The following ERN1 variants were observed in gnomAD, a reference collection of about 807,000 sequenced individuals.
ERN1 encodes endoplasmic reticulum to nucleus signaling 1, also known as serine/threonine-protein kinase/endoribonuclease IRE1.
ERN1 carries 39 observed loss-of-function variants against 113.1 expected under a neutral mutation model. The observed-to-expected ratio is 0.34, with a 90% CI of 0.27 to 0.45. The LOEUF is 0.45. Ranked by LOEUF, ERN1 falls within the 20% of genes least tolerant of loss-of-function variation. ERN1 has a pLI of 1.00. For missense variants in ERN1, 976 were observed against 1,274.8 expected (o/e 0.77, Z 3.57); for synonymous variants, 507 against 515.9 (o/e 0.98, Z 0.23).
At chr17:64,061,292 TA>T (rs1913047329) in intron 10 of ERN1, among the ~76,000 whole-genome samples, 1 of 152,342 alleles carries the variant, frequency 6.6e-6, no homozygotes, top group African/African-American at 2.4e-5. Flanking sequence ...CATTCAGCTC[TA>T]AAAATGAGTC....
rs113345781 is a variant in ERN1, at chr17:64,126,921, T to C, written c.54+3055A>G. ...AAAGAAATCTGATATCTTATAGCTT[T>C]TAAAAAAAAAGGTACTTTGCCTCAC... On this transcript the variant is annotated intron_variant, in intron 1 of 21. Coordinates refer to ENST00000433197, the MANE Select transcript of ERN1 (RefSeq NM_001433.5). Among the ~76,000 whole-genome samples the C allele has an allele frequency of 3.8e-3, 579 of 152,104 alleles. 2 individuals carry two copies. The highest frequency in any genetic ancestry group is 0.013 in the African/African-American group (558 of 41,466).
intron 2 of ERN1, 37 bp from the exon 3 acceptor site, chr17:64,080,845 T>A: frequency 6.3e-7 from 1 of 1,597,228 alleles, no homozygotes; most frequent in Non-Finnish European, 8.5e-7. Flanking sequence ...ATCAGAAACA[T>A]CCCAAAATGT....
chr17:64,075,790 G>C (rs1308471906), intron 4 of ERN1, among the ~76,000 whole-genome samples: 1 of 152,206 alleles, frequency 6.6e-6, no homozygotes, highest in Non-Finnish European at 1.5e-5. Flanking sequence ...TGCTAAGAAA[G>C]AATTGTCCTG....
In ERN1 at chr17:64,044,107, G is replaced by A. The variant is rs781635978; in HGVS notation, c.2815C>T (p.His939Tyr). 2 of 1,612,602 alleles carry A rather than the reference G, an allele frequency of 1.2e-6. No individual in the cohort carries two copies. Among genetic ancestry groups the A allele is most frequent in the Admixed American group, 1.7e-5 (1 of 59,854 alleles). The change falls in exon 22 of 22, where the codon CAC becomes TAC. Residue 939 changes from histidine (H) to tyrosine (Y), a missense_variant. Transcript: ENST00000433197. This position sits in a 1 kb window ranked among gnomAD's most constrained non-coding sequence, Gnocchi z 4.1. ...FVCYFTSRFP[H>Y]LLAHTYRAME... ...GCCCGGTAGGTGTGTGCGAGGAGGT[G>A]GGGGAAGCGAGATGTGAAGTAGCAC...
At chr17:64,102,710 T>C (rs186156465) in intron 1 of ERN1, 1 of 985,412 alleles carries the variant, frequency 1.0e-6, no homozygotes, top group East Asian at 1.1e-4. Flanking sequence ...AAGATGAACT[T>C]GTGCCTTGTC....
chr17:64,098,770 T>C (rs887132740), intron 1 of ERN1, among the ~76,000 whole-genome samples: 2 of 152,042 alleles, frequency 1.3e-5, no homozygotes, highest in African/African-American at 4.8e-5. Context: ...GTTATAAAAG[T>C]AAATGAATAA....
chr17:64,088,736 T>C (rs1490352740), intron 2 of ERN1, among the ~76,000 whole-genome samples: 2 of 152,074 alleles, frequency 1.3e-5, no homozygotes, highest in Non-Finnish European at 2.9e-5. Context: ...TGCTAGAACA[T>C]GGGGCATGCA....
chr17:64,053,056 G>C (rs888007666), intron 16 of ERN1, 77 bp from the exon 17 acceptor site: 4 of 1,230,688 alleles, frequency 3.3e-6, no homozygotes, highest in Admixed American at 2.2e-5. Flanking sequence ...ATGTGTCCTC[G>C]TCAGACTCCC....
chr17:64,102,787 C>T, intron 1 of ERN1: 3 of 985,354 alleles, frequency 3.0e-6, no homozygotes, highest in Non-Finnish European at 3.6e-6. Flanking sequence ...ACGGCACACA[C>T]ACTGGTTTCC....
chr17:64,064,801 G>A (rs981303753), intron 9 of ERN1, among the ~76,000 whole-genome samples: 1 of 152,208 alleles, frequency 6.6e-6, no homozygotes, highest in Non-Finnish European at 1.5e-5. Context: ...GTGAGGTGAG[G>A]AGCAGCCTGA....
intron 13 of ERN1, 88 bp downstream of exon 13, chr17:64,055,587 A>G: frequency 8.1e-7 from 1 of 1,230,956 alleles, no homozygotes; most frequent in Middle Eastern, 2.5e-4. Context: ...TGAGAATGGT[A>G]GTTTACAATC....
In ERN1 at chr17:64,044,327, G is replaced by T. The variant is rs1237075810; in HGVS notation, c.2722-127C>A. 1.5e-6 allele frequency: 1 copy of T among 657,944 alleles called. No homozygotes were observed. Among genetic ancestry groups the T allele is most frequent in the Non-Finnish European group, 2.4e-6 (1 of 414,148 alleles). The allele number at this position is 657,944 out of a possible 1,614,324, so 40.8% of individuals were successfully genotyped here. ...AGTGTTGGTTTTTGGTAAAGAAAAA[G>T]AAAAAAGGCTTATGTATCCAAGAAT... is the stretch of plus-strand genomic sequence containing the variant. On this transcript the variant is annotated intron_variant, in intron 21 of 21. Coordinates refer to ENST00000433197, the MANE Select transcript of ERN1 (RefSeq NM_001433.5). This position sits in a 1 kb window ranked among gnomAD's most constrained non-coding sequence, Gnocchi z 4.1.
At chr17:64,072,215 G>A in intron 5 of ERN1, 112 bp from the exon 6 acceptor site, 1 of 1,166,916 alleles carries the variant, frequency 8.6e-7, no homozygotes, top group Non-Finnish European at 1.2e-6. Flanking sequence ...AATTTCTTAG[G>A]ATGTCATTTC....
chr17:64,124,714 C>A (rs1915036353), intron 1 of ERN1, among the ~76,000 whole-genome samples: 1 of 152,100 alleles, frequency 6.6e-6, no homozygotes. Context: ...TCTTTATCAG[C>A]AGCATGAAAA....
intron 1 of ERN1, among the ~76,000 whole-genome samples, chr17:64,126,216 A>T (rs997375332): frequency 5.9e-5 from 9 of 152,248 alleles, no homozygotes; most frequent in Non-Finnish European, 1.0e-4. Flanking sequence ...ATTTGTGCAT[A>T]ATAAAAACTG....
intron 1 of ERN1, chr17:64,102,621 A>G (rs1914417608): frequency 1.0e-6 from 1 of 966,750 alleles, no homozygotes; most frequent in Non-Finnish European, 1.2e-6. Flanking sequence ...TGAATTAAAC[A>G]TGTTTCCAGA....
chr17:64,107,456 C>T (rs541903857), intron 1 of ERN1, among the ~76,000 whole-genome samples: 9 of 151,966 alleles, frequency 5.9e-5, no homozygotes, highest in African/African-American at 1.9e-4. Context: ...CGAGTAGCTG[C>T]GACTACAAGC....
intron 1 of ERN1, among the ~76,000 whole-genome samples, chr17:64,104,308 G>T (rs921669954): frequency 1.6e-4 from 25 of 152,174 alleles, no homozygotes; most frequent in African/African-American, 5.6e-4. Context: ...TATCACTGAA[G>T]TTTTGGTTTG....
In ERN1 at chr17:64,059,224, G is replaced by A. The variant is rs76431040; in HGVS notation, c.1207-1231C>T. On this transcript the variant is annotated intron_variant, in intron 11 of 21. Transcript: ENST00000433197. Reference sequence around the variant, plus strand: ...GTATTTCTCCAACCTGGCTACTTCCGTAGATGATGGTAAACAGATACTGTG... The same window carrying A: ...GTATTTCTCCAACCTGGCTACTTCCATAGATGATGGTAAACAGATACTGTG... 4.5e-3 allele frequency among the ~76,000 whole-genome samples: 686 copies of A among 152,292 alleles called. 3 individuals carry two copies. Among genetic ancestry groups the A allele is most frequent in the African/African-American group, 0.016 (651 of 41,558 alleles).
Sources: allele counts gnomAD v4.1 joint callset (sites outside exome capture counted in the v4.1 genomes callset), GRCh38; gene constraint gnomAD v4.1.1; non-coding constraint Gnocchi (gnomAD v3.1); transcripts MANE v1.5; gene names NCBI Gene and HGNC (gene_info 2026-07-23, HGNC 2026-07-21).